Variants in ZC3H12D observed in about 807,000 individuals in gnomAD.
The protein encoded by ZC3H12D is probable ribonuclease ZC3H12D.
ZC3H12D carries 11 observed loss-of-function variants against 24.2 expected under a neutral mutation model. The ratio of observed to expected loss-of-function variants is 0.46; its 90% CI spans 0.29 to 0.75. ZC3H12D has a LOEUF of 0.75. Among genes scored for constraint, ZC3H12D ranks in the 30% least tolerant of loss-of-function variants. The pLI is 0.11. For synonymous variants in ZC3H12D, 333 were observed against 341.8 expected, an observed-to-expected ratio of 0.97 and a Z score of 0.28; for missense variants, 740 against 767.7, an observed-to-expected ratio of 0.96 and a Z score of 0.43.
At chr6:149,455,954 T>TAAAA (rs368705273) in intron 4 of ZC3H12D, among the ~76,000 whole-genome samples, 51 of 141,924 alleles carry the variant, frequency 3.6e-4, no homozygotes, top group African/African-American at 1.0e-3. Flanking sequence ...AATTTTGATT[T>TAAAA]AAAAAAAAAA....
Position 149,456,537 on chromosome 6 carries a change from CTCTG to C in ZC3H12D, c.680+125_680+128del, listed in dbSNP as rs895130642. The stretch of plus-strand genomic sequence containing the variant: ...CGCCGAGAATGCGGACCTGGGGGAG[CTCTG>C]TCTGAGGGGCTGGGTGACCGGGTGA... On this transcript the variant is annotated intron_variant, in intron 4 of 5. Coordinates refer to ENST00000409806, the MANE Select transcript of ZC3H12D (RefSeq NM_207360.3). The surrounding 1 kb of genome is among the most constrained non-coding windows in gnomAD (Gnocchi z 4.3). 11 of 770,440 alleles carry C rather than the reference CTCTG, an allele frequency of 1.4e-5. No homozygotes were observed. Among genetic ancestry groups the C allele is most frequent in the Admixed American group, 7.5e-5 (3 of 39,846 alleles). The allele number at this position is 770,440 out of a possible 1,614,324, so 47.7% of individuals were successfully genotyped here. A position where few individuals can be genotyped will look rare whatever the true frequency, so the allele number is the denominator to read the frequency against.
Position 149,456,215 on chromosome 6 carries a change from G to A in ZC3H12D, c.680+451C>T, listed in dbSNP as rs1367170541. ...TGCAGTGAGCCAAGATTGAGCCACT[G>A]CACTCCAGCCTGGGTGACAGAGCAA... On this transcript the variant is annotated intron_variant, in intron 4 of 5. Coordinates refer to ENST00000409806, the MANE Select transcript of ZC3H12D (RefSeq NM_207360.3). The surrounding 1 kb of genome is among the most constrained non-coding windows in gnomAD (Gnocchi z 4.3). Among the ~76,000 whole-genome samples the A allele has an allele frequency of 6.6e-6, 1 of 151,938 alleles. No individual in the cohort carries two copies. The highest frequency in any genetic ancestry group is 1.5e-5 in the Non-Finnish European group (1 of 68,024).
Position 149,451,425 on chromosome 6 carries a change from T to C in ZC3H12D, c.842A>G (p.His281Arg). ...GTCGGCCACCGCCAGTTGCGCGTGG[T>C]GCGGCCTCTCCGGGTGGTAGAACTT... is the stretch of plus-strand genomic sequence containing the variant. ...KCKFYHPERP[H>R]HAQLAVADEL... Residue 281 changes from histidine to arginine, a missense_variant, in exon 6 of 6, where the codon CAC becomes CGC. His to Arg is a conservative substitution (Grantham distance 29). Transcript: ENST00000409806. The C allele has an allele frequency of 1.3e-6, 2 of 1,575,106 alleles. No homozygotes were observed. The highest frequency in any genetic ancestry group is 1.1e-5 in the South Asian group (1 of 89,874).
intron 5 of ZC3H12D, among the ~76,000 whole-genome samples, chr6:149,451,694 G>C (rs942071063): frequency 1.4e-4 from 21 of 152,170 alleles, no homozygotes; most frequent in Admixed American, 2.0e-4. Context: ...TGCCCGGGAG[G>C]CGCGGGCGGC....
chr6:149,454,704 A>T (rs1775953783), intron 4 of ZC3H12D, among the ~76,000 whole-genome samples: 1 of 152,238 alleles, frequency 6.6e-6, no homozygotes, highest in Non-Finnish European at 1.5e-5. Flanking sequence ...GTGCGTCAAA[A>T]GGACTTGGCT....
intron 2 of ZC3H12D, among the ~76,000 whole-genome samples, chr6:149,467,016 C>T (rs903242079): frequency 1.3e-4 from 20 of 152,190 alleles, no homozygotes; most frequent in African/African-American, 4.6e-4. Flanking sequence ...ATCTCTGACA[C>T]CTTTGGTGGG....
At chr6:149,460,152 T>C (rs569965859) in intron 3 of ZC3H12D, among the ~76,000 whole-genome samples, 4 of 152,314 alleles carry the variant, frequency 2.6e-5, no homozygotes, top group African/African-American at 9.6e-5. Context: ...ATCATAATAA[T>C]AAAGAGCTTT....
chr6:149,456,623 G>GGGGTGACGACC lies in ZC3H12D; in HGVS notation c.680+42_680+43insGGTCGTCACCC. ...GCCACTGCCTCGACCCCGGCCCCCC[G>GGGGTGACGACC]CCCCGCCGCCCCCCAGGGTGTCAGG... On this transcript the variant is annotated intron_variant, in intron 4 of 5. Coordinates refer to ENST00000409806, the MANE Select transcript of ZC3H12D (RefSeq NM_207360.3). The surrounding 1 kb of genome is among the most constrained non-coding windows in gnomAD (Gnocchi z 4.3). 1 of 744,586 alleles carries GGGGTGACGACC rather than the reference G, an allele frequency of 1.3e-6. No homozygotes were observed. The highest frequency in any genetic ancestry group is 2.2e-6 in the Non-Finnish European group (1 of 456,106). The allele number at this position is 744,586 out of a possible 1,614,324, so 46.1% of individuals were successfully genotyped here.
intron 2 of ZC3H12D, among the ~76,000 whole-genome samples, chr6:149,469,009 TTTACA>T (rs1776203432): frequency 6.6e-6 from 1 of 152,252 alleles, no homozygotes; most frequent in East Asian, 1.9e-4. Flanking sequence ...TGAGGACACA[TTTACA>T]TGAAACCCTA....
intron 1 of ZC3H12D, chr6:149,483,160 G>T (rs1159917375): frequency 6.6e-6 from 1 of 152,218 alleles, no homozygotes; most frequent in African/African-American, 2.4e-5. Context: ...CAAACAGAAA[G>T]TTTCTGGTTC....
At chr6:149,474,701 C>A in intron 1 of ZC3H12D, 88 bp from the exon 2 acceptor site, 1 of 597,180 alleles carries the variant, frequency 1.7e-6, no homozygotes, top group Non-Finnish European at 2.5e-6. Context: ...CCCTCCCGGC[C>A]TAGCTGTCAG....
Position 149,474,540 on chromosome 6 carries a change from C to T in ZC3H12D, c.4G>A (p.Glu2Lys), listed in dbSNP as rs765990005. M[E>K]HPSKMEFFQK... ...AAGAATTCCATCTTGCTGGGGTGCT[C>T]CATGCTGTGCCCAGCGGCCACTGGC... Residue 2 changes from glutamate to lysine, a missense_variant, in exon 2 of 6, where the codon GAG becomes AAG. Glu to Lys is a moderately conservative substitution (Grantham distance 56, BLOSUM62 1). Coordinates refer to ENST00000409806, the MANE Select transcript of ZC3H12D (RefSeq NM_207360.3). The T allele has an allele frequency of 5.3e-6, 8 of 1,507,596 alleles. No homozygotes were observed. Among genetic ancestry groups the T allele is most frequent in the Admixed American group, 2.0e-5 (1 of 48,918 alleles). 93.4% of individuals were successfully genotyped at this position (1,507,596 alleles called of 1,614,324 possible).
rs1446959976 is a variant in ZC3H12D at position 149,447,345 on chromosome 6, G to A, written c.*3338C>T. 2.0e-5 allele frequency: 3 copies of A among 152,152 alleles called. No individual in the cohort carries two copies. The highest frequency in any genetic ancestry group is 4.4e-5 in the Non-Finnish European group (3 of 68,070). The allele number at this position is 152,152 out of a possible 1,614,324, so 9.4% of individuals were successfully genotyped here. A position where few individuals can be genotyped will look rare whatever the true frequency, so the allele number is the denominator to read the frequency against. Reference sequence around the variant, plus strand: ...AGCTCACTACAACCTCTGCCTCCTGGGTTCAAGGTGATTCTCCTGCCTCAG... The same window carrying A: ...AGCTCACTACAACCTCTGCCTCCTGAGTTCAAGGTGATTCTCCTGCCTCAG... On this transcript the variant is annotated 3_prime_UTR_variant, in exon 6 of 6. Coordinates refer to ENST00000409806, the MANE Select transcript of ZC3H12D (RefSeq NM_207360.3).
intron 2 of ZC3H12D, among the ~76,000 whole-genome samples, chr6:149,462,876 G>A (rs1460525246): frequency 6.6e-6 from 1 of 152,248 alleles, no homozygotes; most frequent in Non-Finnish European, 1.5e-5. Context: ...GCCACAGACT[G>A]AAGGCTGCAC....
chr6:149,471,712 G>A (rs1776246769), intron 2 of ZC3H12D, among the ~76,000 whole-genome samples: 1 of 151,996 alleles, frequency 6.6e-6, no homozygotes, highest in Non-Finnish European at 1.5e-5. Flanking sequence ...CTAGAAGCTG[G>A]AAAAAATAAA....
Position 149,474,233 on chromosome 6 carries a change from A to T in ZC3H12D, c.305+6T>A. On this transcript the variant is annotated splice_donor_region_variant and intron_variant, in intron 2 of 5. Coordinates refer to ENST00000409806, the MANE Select transcript of ZC3H12D (RefSeq NM_207360.3). ...CAGCCCCAGCTACAGGATGAAGGGA[A>T]GCTACCTCATCGCCACGTTGCTGCC... The T allele has an allele frequency of 6.8e-7, 1 of 1,475,378 alleles. No individual in the cohort carries two copies. The highest frequency in any genetic ancestry group is 9.1e-7 in the Non-Finnish European group (1 of 1,103,844). The allele number at this position is 1,475,378 out of a possible 1,614,324, so 91.4% of individuals were successfully genotyped here. A position where few individuals can be genotyped will look rare whatever the true frequency, so the allele number is the denominator to read the frequency against.
At chr6:149,469,420 T>A (rs1001343440) in intron 2 of ZC3H12D, among the ~76,000 whole-genome samples, 1 of 151,610 alleles carries the variant, frequency 6.6e-6, no homozygotes, top group African/African-American at 2.4e-5. Flanking sequence ...ATGGCGCCAC[T>A]GCACTCCAGC....
Position 149,452,443 on chromosome 6 carries a change from T to C in ZC3H12D, c.787+173A>G, listed in dbSNP as rs1439800692. The C allele has an allele frequency of 7.7e-6, 4 of 518,622 alleles. No homozygotes were observed. The East Asian group carries it at 1.3e-4, about 18-fold the overall frequency. The allele number at this position is 518,622 out of a possible 1,614,324, so 32.1% of individuals were successfully genotyped here. On this transcript the variant is annotated intron_variant, in intron 5 of 5. Coordinates refer to ENST00000409806, the MANE Select transcript of ZC3H12D (RefSeq NM_207360.3). This position sits in a 1 kb window ranked among gnomAD's most constrained non-coding sequence, Gnocchi z 4.0. ...ATGAAATCACCGGCCAGGATGTCAGTTCTACAATAACCCTGTCAGGAAAGT... is the reference window on the plus strand; with the variant it reads ...ATGAAATCACCGGCCAGGATGTCAGCTCTACAATAACCCTGTCAGGAAAGT...
Position 149,459,580 on chromosome 6 carries a change from G to A in ZC3H12D, c.445+2251C>T, listed in dbSNP as rs564282158. The A allele has an allele frequency of 3.3e-3, 2,317 of 712,578 alleles. 3 individuals carry two copies. The highest frequency in any genetic ancestry group is 4.6e-3 in the Non-Finnish European group (1,781 of 383,794). 44.1% of individuals were successfully genotyped at this position (712,578 alleles called of 1,614,324 possible). A position where few individuals can be genotyped will look rare whatever the true frequency, so the allele number is the denominator to read the frequency against. On this transcript the variant is annotated intron_variant, in intron 3 of 5. Coordinates refer to ENST00000409806, the MANE Select transcript of ZC3H12D (RefSeq NM_207360.3). Reference sequence around the variant, plus strand: ...CACTTCTGGTGGTGGAGATGGAGTGGAAGTCGGGCAAAATCGGGATGACTA... The same window carrying A: ...CACTTCTGGTGGTGGAGATGGAGTGAAAGTCGGGCAAAATCGGGATGACTA...
Sources: allele counts gnomAD v4.1 joint callset (sites outside exome capture counted in the v4.1 genomes callset), GRCh38; gene constraint gnomAD v4.1.1; non-coding constraint Gnocchi (gnomAD v3.1); transcripts MANE v1.5; gene names NCBI Gene and HGNC (gene_info 2026-07-23, HGNC 2026-07-21).